MAGOH: variants seen among roughly 807,000 people sequenced by gnomAD.
MAGOH encodes the protein mago homolog, exon junction complex subunit.
In MAGOH, 3 loss-of-function variants were observed where a neutral mutation model predicts 20.9. The observed-to-expected ratio is 0.14, with a 90% CI of 0.07 to 0.37. MAGOH has a LOEUF of 0.37. Among genes scored for constraint, MAGOH ranks in the 10% least tolerant of loss-of-function variants. The probability of loss-of-function intolerance (pLI) is 1.00; values close to 1 mark genes in which losing one functional copy is unlikely to be tolerated. For missense variants in MAGOH, 66 were observed against 178.1 expected (o/e 0.37, Z 3.58); for synonymous variants, 51 against 61.0 (o/e 0.84, Z 0.76).
intron 3 of MAGOH, among the ~76,000 whole-genome samples, chr1:53,232,556 G>A (rs1363677474): frequency 6.6e-6 from 1 of 152,182 alleles, no homozygotes; most frequent in Non-Finnish European, 1.5e-5. Flanking sequence ...GACTTTTGAA[G>A]ACCTCAATAA....
intron 4 of MAGOH, among the ~76,000 whole-genome samples, chr1:53,227,528 C>CT (rs888738135): frequency 6.6e-6 from 1 of 151,898 alleles, no homozygotes; most frequent in Admixed American, 6.6e-5. Context: ...AGTTAGAAAA[C>CT]TTTTTTTGTT....
chr1:53,232,801 G>A (rs1645592577), intron 3 of MAGOH, among the ~76,000 whole-genome samples: 1 of 152,164 alleles, frequency 6.6e-6, no homozygotes, highest in Admixed American at 6.5e-5. Context: ...GCAAATTTAC[G>A]TTTTTAAAGA....
chr1:53,231,017 A>C lies in MAGOH; in HGVS notation c.259-2063T>G, dbSNP rs375305571. Among the ~76,000 whole-genome samples, 21 of 152,344 alleles carry C rather than the reference A, an allele frequency of 1.4e-4. No individual in the cohort carries two copies. The East Asian group carries it at 3.5e-3, about 25-fold the overall frequency. Reference sequence around the variant, plus strand: ...AATTCCTAGTATTTTAAATGCTGCCAGATGCCACAAAATTACTCCCTAACG... The same window carrying C: ...AATTCCTAGTATTTTAAATGCTGCCCGATGCCACAAAATTACTCCCTAACG... On this transcript the variant is annotated intron_variant, in intron 3 of 4. Coordinates refer to ENST00000371470, the MANE Select transcript of MAGOH (RefSeq NM_002370.4).
At chr1:53,234,564 C>T (rs1237469830) in intron 2 of MAGOH, among the ~76,000 whole-genome samples, 5 of 151,994 alleles carry the variant, frequency 3.3e-5, no homozygotes, top group Non-Finnish European at 5.9e-5. Context: ...TCAGTACAGA[C>T]AGGGCTTCAC....
rs1231950502 is a variant in MAGOH at position 53,237,673 on chromosome 1, CAAAA to C, written c.88+684_88+687del. 2.0e-4 allele frequency among the ~76,000 whole-genome samples: 11 copies of C among 55,334 alleles called. No homozygotes were observed. The South Asian group carries it at 2.9e-3, about 15-fold the overall frequency. The allele number at this position is 55,334 out of a possible 152,430, so 36.3% of individuals were successfully genotyped here. A position where few individuals can be genotyped will look rare whatever the true frequency, so the allele number is the denominator to read the frequency against. ...TGGGCAAAAAGAGCGAAAGCCGTCT[CAAAA>C]AAAAAAAAAAAAAAAAGGCCTTCCA... On this transcript the variant is annotated intron_variant, in intron 1 of 4. Transcript: ENST00000371470.
intron 2 of MAGOH, among the ~76,000 whole-genome samples, chr1:53,234,242 A>G (rs901239557): frequency 6.6e-6 from 1 of 152,178 alleles, no homozygotes; most frequent in Non-Finnish European, 1.5e-5. Flanking sequence ...TGAACTTGCC[A>G]GCGCCTTGAT....
rs1225887876 is a variant in MAGOH, at chr1:53,235,015, G to A, written c.147+562C>T. The stretch of plus-strand genomic sequence containing the variant: ...TACCTGGGCCTTTATTTTCTTATTT[G>A]TAAGGGGGCTATAATACCCTCCCCC... On this transcript the variant is annotated intron_variant, in intron 2 of 4. Transcript: ENST00000371470. Among the ~76,000 whole-genome samples, 3 of 152,052 alleles carry A rather than the reference G, an allele frequency of 2.0e-5. No homozygotes were observed. In the East Asian group the frequency reaches 5.8e-4, roughly 29 times the overall value.
chr1:53,232,758 A>G (rs1354287437), intron 3 of MAGOH, among the ~76,000 whole-genome samples: 1 of 152,208 alleles, frequency 6.6e-6, no homozygotes, highest in African/African-American at 2.4e-5. Flanking sequence ...TACAGTGGGA[A>G]GCCATTGGAG....
chr1:53,230,187 ATTTAC>A (rs1645579290), intron 3 of MAGOH, among the ~76,000 whole-genome samples: 1 of 152,150 alleles, frequency 6.6e-6, no homozygotes, highest in African/African-American at 2.4e-5. Context: ...TGTGAGGCCT[ATTTAC>A]TTTTTCTTCT....
At chr1:53,233,215 C>A in intron 3 of MAGOH, 2 of 184,400 alleles carry the variant, frequency 1.1e-5, no homozygotes, top group East Asian at 2.9e-4. Context: ...TGGTAGCAGT[C>A]AAGAGTGAAA....
At chr1:53,235,138 C>T (rs1645605190) in intron 2 of MAGOH, among the ~76,000 whole-genome samples, 1 of 152,192 alleles carries the variant, frequency 6.6e-6, no homozygotes, top group Admixed American at 6.5e-5. Context: ...CCCTTTCCCA[C>T]TCAGATGTAA....
At chr1:53,230,339 G>A (rs1368885627) in intron 3 of MAGOH, among the ~76,000 whole-genome samples, 2 of 152,040 alleles carry the variant, frequency 1.3e-5, no homozygotes, top group South Asian at 2.1e-4. Flanking sequence ...ATATTACAAA[G>A]TTTATGTCCA....
chr1:53,237,690 A>C (rs1372593169), intron 1 of MAGOH, among the ~76,000 whole-genome samples: 2 of 150,796 alleles, frequency 1.3e-5, no homozygotes, highest in African/African-American at 4.9e-5. Flanking sequence ...AAAAAAAAAA[A>C]AAAGGCCTTC....
intron 3 of MAGOH, among the ~76,000 whole-genome samples, chr1:53,230,036 CCAAA>C (rs1279704370): frequency 6.6e-6 from 1 of 152,212 alleles, no homozygotes; most frequent in African/African-American, 2.4e-5. Context: ...ATCTCAATTT[CCAAA>C]CAGTGACATG....
In MAGOH at chr1:53,238,497, G is replaced by T. The variant is rs888231845; in HGVS notation, c.-49C>A. 1 of 1,518,670 alleles carries T rather than the reference G, an allele frequency of 6.6e-7. No homozygotes were observed. The highest frequency in any genetic ancestry group is 1.4e-5 in the African/African-American group (1 of 73,174). 94.1% of individuals were successfully genotyped at this position (1,518,670 alleles called of 1,614,324 possible). ...TGAACTTCCAAGAGCAAGCCGCACT[G>T]CCGCCGTCTGCGCCCGACACTGACG... On this transcript the variant is annotated 5_prime_UTR_variant, in exon 1 of 5. Coordinates refer to ENST00000371470, the MANE Select transcript of MAGOH (RefSeq NM_002370.4).
chr1:53,235,708 T>C, intron 1 of MAGOH, 73 bp from the exon 2 acceptor site: 1 of 1,225,928 alleles, frequency 8.2e-7, no homozygotes, highest in South Asian at 1.3e-5. Context: ...TGCCAAGGCA[T>C]CAGCAGTTGC....
At position 53,235,586 on chromosome 1, in the gene MAGOH, G is replaced by A. The variant is rs1645606838; in HGVS notation, c.138C>T (p.Ile46=). The A allele has an allele frequency of 6.2e-7, 1 of 1,613,894 alleles. No homozygotes were observed. The highest frequency in any genetic ancestry group is 8.5e-7 in the Non-Finnish European group (1 of 1,179,860). ...NNSNYKNDVM[I]RKEAYVHKSV... ...GGCAGAAGGCTCATACCTCTTTTCTGATCATGACATCATTCTTGTAATTGC... is the reference window on the plus strand; with the variant it reads ...GGCAGAAGGCTCATACCTCTTTTCTAATCATGACATCATTCTTGTAATTGC... Residue 46 remains isoleucine (I), a synonymous_variant, in exon 2 of 5, where the codon ATC becomes ATT. Transcript: ENST00000371470.
rs61769617 is a variant in MAGOH at position 53,231,681 on chromosome 1, C to T, written c.258+1861G>A. On this transcript the variant is annotated intron_variant, in intron 3 of 4. Transcript: ENST00000371470. Reference sequence around the variant, plus strand: ...TTCCATTGGTTTAGCTGTCAATTCCCGAGGCAATATCATACTACAAATGAC... The same window carrying T: ...TTCCATTGGTTTAGCTGTCAATTCCTGAGGCAATATCATACTACAAATGAC... 9.5e-3 allele frequency among the ~76,000 whole-genome samples: 1,448 copies of T among 152,136 alleles called. 10 individuals carry two copies. Among genetic ancestry groups the T allele is most frequent in the South Asian group, 0.037 (177 of 4,816 alleles).
At chr1:53,229,223 G>A (rs1166659318) in intron 3 of MAGOH, among the ~76,000 whole-genome samples, 1 of 148,872 alleles carries the variant, frequency 6.7e-6, no homozygotes, top group African/African-American at 2.5e-5. Context: ...TCCTGAGACA[G>A]AGTCTCACTC....
Sources: allele counts gnomAD v4.1 joint callset (sites outside exome capture counted in the v4.1 genomes callset), GRCh38; gene constraint gnomAD v4.1.1; transcripts MANE v1.5; gene names NCBI Gene and HGNC (gene_info 2026-07-23, HGNC 2026-07-21).